Variants in UBR4 observed in about 807,000 individuals in gnomAD.
UBR4 encodes the protein E3 ubiquitin-protein ligase UBR4.
UBR4 carries 124 observed loss-of-function variants against 575.6 expected under a neutral mutation model. That is an observed-to-expected ratio of 0.22 (90% CI 0.19 to 0.25). UBR4 has a LOEUF of 0.25. Among genes scored for constraint, UBR4 ranks in the 10% least tolerant of loss-of-function variants. UBR4 has a pLI of 1.00. For synonymous variants in UBR4, 2,455 were observed against 2,473.7 expected (o/e 0.99, Z 0.22); for missense variants, 4,818 against 6,478.8 (o/e 0.74, Z 8.80).
At position 19,184,086 on chromosome 1, in the gene UBR4, T is replaced by C; in HGVS notation, c.2028A>G (p.Val676=). Residue 676 remains valine (V), a synonymous_variant, in exon 16 of 106, where the codon GTA becomes GTG. Transcript: ENST00000375254. ...TGGCCATATGGTGTTCTGAAAGAGATACACTCAGATAGTTTCGGATAAAAT... is the reference window on the plus strand; with the variant it reads ...TGGCCATATGGTGTTCTGAAAGAGACACACTCAGATAGTTTCGGATAAAAT... ...RNNFIRNYLS[V]SLSEHHMATL... is the part of the protein sequence containing the mutation. 6.2e-6 allele frequency: 10 copies of C among 1,614,150 alleles called. No individual in the cohort carries two copies. The highest frequency in any genetic ancestry group is 7.6e-6 in the Non-Finnish European group (9 of 1,180,034).
Position 19,128,220 on chromosome 1 carries a change from C to T in UBR4, c.9102G>A (p.Met3034Ile). The T allele has an allele frequency of 6.2e-7, 1 of 1,613,970 alleles. No homozygotes were observed. Among genetic ancestry groups the T allele is most frequent in the Non-Finnish European group, 8.5e-7 (1 of 1,179,872 alleles). Reference protein sequence around the residue: ...LLSQLIAELGMDKKDVSKKNE... With the variant: ...LLSQLIAELGIDKKDVSKKNE... ...GCCTCTCAGATTTTACCTTTTTATC[C>T]ATACCCAACTCAGCAATAAGCTGGG... The change falls in exon 62 of 106, where the codon ATG becomes ATA. Residue 3034 changes from methionine to isoleucine, a missense_variant. Met to Ile is a conservative substitution (Grantham distance 10, BLOSUM62 1). This residue lies in a region of UBR4 where 550 missense variants were observed against 791.5 expected (regional missense o/e 0.69). Transcript: ENST00000375254.
At chr1:19,208,800 A>C (rs943605155) in intron 1 of UBR4, among the ~76,000 whole-genome samples, 7 of 152,246 alleles carry the variant, frequency 4.6e-5, no homozygotes, top group African/African-American at 1.4e-4. Context: ...ACATAAAAGC[A>C]AATGCTCTAA....
At chr1:19,096,431 G>A in intron 92 of UBR4, 92 bp downstream of exon 92, 1 of 1,536,690 alleles carries the variant, frequency 6.5e-7, no homozygotes, top group African/African-American at 1.4e-5. Flanking sequence ...TGCCCTCTAG[G>A]GTAAAATGAC....
intron 11 of UBR4, among the ~76,000 whole-genome samples, chr1:19,190,757 G>C (rs576249885): frequency 6.6e-6 from 1 of 152,220 alleles, no homozygotes; most frequent in South Asian, 2.1e-4. Flanking sequence ...TCTTTTCTCA[G>C]CCTTTGCCGC....
At chr1:19,102,467 G>A (rs1352958254) in intron 87 of UBR4, among the ~76,000 whole-genome samples, 4 of 152,090 alleles carry the variant, frequency 2.6e-5, no homozygotes, top group East Asian at 3.9e-4. Context: ...AGTATGGCAC[G>A]ATGAAAATGG....
rs372209941 is a variant in UBR4 at position 19,100,911 on chromosome 1, T to C, written c.13024-338A>G. 6.6e-6 allele frequency among the ~76,000 whole-genome samples: 1 copy of C among 152,116 alleles called. No individual in the cohort carries two copies. On this transcript the variant is annotated intron_variant, in intron 88 of 105. Transcript: ENST00000375254. This position sits in a 1 kb window ranked among gnomAD's most constrained non-coding sequence, Gnocchi z 4.2. ...TTCCTTCCTCCTCCTGCTGGTCTCATGTGATGCTAACCAATTTGGGGCCAG... is the reference window on the plus strand; with the variant it reads ...TTCCTTCCTCCTCCTGCTGGTCTCACGTGATGCTAACCAATTTGGGGCCAG...
At chr1:19,104,016 G>C in intron 87 of UBR4, 68 bp downstream of exon 87, 7 of 1,547,252 alleles carry the variant, frequency 4.5e-6, no homozygotes, top group Non-Finnish European at 6.1e-6. Flanking sequence ...GGGGGAAATT[G>C]GTCGAATGCA....
chr1:19,145,168 T>A (rs1473298556), intron 53 of UBR4, among the ~76,000 whole-genome samples: 2 of 152,142 alleles, frequency 1.3e-5, no homozygotes, highest in Non-Finnish European at 2.9e-5. Context: ...CTGTCCACTC[T>A]CTCTGGATAT....
intron 78 of UBR4, chr1:19,111,926 T>C (rs1262915363): frequency 3.3e-5 from 5 of 152,134 alleles, no homozygotes; most frequent in East Asian, 1.9e-4. Context: ...GGCCCTATTT[T>C]TGTATTTTTA....
intron 54 of UBR4, 37 bp from the exon 55 acceptor site, chr1:19,144,128 A>G: frequency 6.4e-7 from 1 of 1,573,492 alleles, no homozygotes; most frequent in Non-Finnish European, 8.7e-7. Flanking sequence ...CTTTGCTCTC[A>G]TATTATTCAT....
At position 19,086,701 on chromosome 1, in the gene UBR4, C is replaced by T. The variant is rs770743243; in HGVS notation, c.14665G>A (p.Asp4889Asn). 2.5e-6 allele frequency: 4 copies of T among 1,614,130 alleles called. No individual in the cohort carries two copies. The highest frequency in any genetic ancestry group is 3.4e-6 in the Non-Finnish European group (4 of 1,180,020). ...TVSHFNIVHYDCHLAAVRLAR... is the reference protein window; with the variant it reads ...TVSHFNIVHYNCHLAAVRLAR... ...TACCTGACGGCAGCCAGATGGCAGT[C>T]GTAGTGCACAATGTTGAAGTGGGAC... The change falls in exon 100 of 106, where the codon GAC (aspartate) becomes AAC (asparagine). Residue 4889 changes from aspartate to asparagine, a missense_variant. Transcript: ENST00000375254.
rs2077283789 is a variant in UBR4, at chr1:19,089,157, T to C, written c.14212-180A>G. On this transcript the variant is annotated intron_variant, in intron 97 of 105. Coordinates refer to ENST00000375254, the MANE Select transcript of UBR4 (RefSeq NM_020765.3). The surrounding 1 kb of genome is among the most constrained non-coding windows in gnomAD (Gnocchi z 4.3). ...ACAGACAAATGGAAGAGGGTTTGGCTCTGCCACTGCCTCTGACCAATTCCT... is the reference window on the plus strand; with the variant it reads ...ACAGACAAATGGAAGAGGGTTTGGCCCTGCCACTGCCTCTGACCAATTCCT... 6.6e-6 allele frequency among the ~76,000 whole-genome samples: 1 copy of C among 152,228 alleles called. No homozygotes were observed. Among genetic ancestry groups the C allele is most frequent in the African/African-American group, 2.4e-5 (1 of 41,452 alleles).
chr1:19,174,068 T>C (rs1571448510), intron 22 of UBR4, among the ~76,000 whole-genome samples: 1 of 152,110 alleles, frequency 6.6e-6, no homozygotes, highest in African/African-American at 2.4e-5. Flanking sequence ...TGACAGGAGA[T>C]ATAGCACTTG....
In UBR4 at chr1:19,173,541, G is replaced by A. The variant is rs146676574; in HGVS notation, c.3063C>T (p.Asn1021=). ...GILPPSKTYI[N]QLSMNSPEMS... is the part of the protein sequence containing the mutation. The stretch of plus-strand genomic sequence containing the variant: ...TCTCAGGTGAGTTCATGGATAGCTG[G>A]TTAATGTAAGTCTTTGATGGTGGTA... The change falls in exon 23 of 106, where the codon AAC becomes AAT. Residue 1021 remains asparagine (N), a synonymous_variant. Transcript: ENST00000375254. 2.0e-4 allele frequency: 327 copies of A among 1,614,040 alleles called. No individual in the cohort carries two copies. The highest frequency in any genetic ancestry group is 2.6e-4 in the Non-Finnish European group (310 of 1,180,042).
chr1:19,146,599 A>T lies in UBR4; in HGVS notation c.7804+227T>A, dbSNP rs60262056. ...ACAGATTATATCTGATGTCTAGAAC[A>T]CTAAATAAACTCAAGGATAATCGAA... On this transcript the variant is annotated intron_variant, in intron 52 of 105. Transcript: ENST00000375254. Among the ~76,000 whole-genome samples the T allele has an allele frequency of 1.3e-3, 201 of 152,342 alleles. 2 individuals carry two copies. In the East Asian group the frequency reaches 0.034, roughly 26 times the overall value.
In UBR4 at chr1:19,093,252, A is replaced by T; in HGVS notation, c.14111+61T>A. The T allele has an allele frequency of 6.4e-7, 1 of 1,572,392 alleles. No homozygotes were observed. Among genetic ancestry groups the T allele is most frequent in the Non-Finnish European group, 8.6e-7 (1 of 1,157,150 alleles). On this transcript the variant is annotated intron_variant, in intron 96 of 105. Coordinates refer to ENST00000375254, the MANE Select transcript of UBR4 (RefSeq NM_020765.3). The surrounding 1 kb of genome is among the most constrained non-coding windows in gnomAD (Gnocchi z 4.8). ...AAGCTTTATGCCAAGATGCTGATGG[A>T]GAAGGAAAAGGAAAGGGCAAAGCGA...
chr1:19,165,858 G>A, intron 29 of UBR4, 101 bp from the exon 30 acceptor site: 1 of 997,536 alleles, frequency 1.0e-6, no homozygotes, highest in East Asian at 2.6e-5. Context: ...GTTTGACCTT[G>A]AGGGCAATGT....
intron 60 of UBR4, 40 bp downstream of exon 60, chr1:19,137,967 G>A (rs748022448): frequency 1.4e-6 from 2 of 1,439,746 alleles, no homozygotes; most frequent in African/African-American, 1.4e-5. Flanking sequence ...AATAGTCTCA[G>A]ATAGGCAAGC....
At chr1:19,078,793 G>A (rs2076214381) in intron 103 of UBR4, 1 of 152,208 alleles carries the variant, frequency 6.6e-6, no homozygotes. Flanking sequence ...ACAGGCAGGG[G>A]GAGACTGCCT....
Sources: allele counts gnomAD v4.1 joint callset (sites outside exome capture counted in the v4.1 genomes callset), GRCh38; gene constraint gnomAD v4.1.1; regional missense constraint gnomAD v4.1.1; non-coding constraint Gnocchi (gnomAD v3.1); transcripts MANE v1.5; gene names NCBI Gene and HGNC (gene_info 2026-07-23, HGNC 2026-07-21).